Variants in SSH2 observed in about 807,000 individuals in gnomAD.
SSH2 encodes the protein protein phosphatase Slingshot homolog 2.
A neutral mutation model predicts 135.2 loss-of-function variants in SSH2; 37 were observed. That is an observed-to-expected ratio of 0.27 (90% confidence interval 0.21 to 0.36). The LOEUF (loss-of-function observed/expected upper bound fraction) is 0.36. SSH2 is among the 10% of genes least tolerant of loss of function. The probability of loss-of-function intolerance (pLI) is 1.00; values close to 1 mark genes in which losing one functional copy is unlikely to be tolerated. For synonymous variants in SSH2, 628 were observed against 646.2 expected, an observed-to-expected ratio of 0.97 and a Z score of 0.43; for missense variants, 1,408 against 1,765.3, an observed-to-expected ratio of 0.80 and a Z score of 3.63.
At chr17:29,801,469 G>C (rs1198452878) in intron 2 of SSH2, among the ~76,000 whole-genome samples, 1 of 152,094 alleles carries the variant, frequency 6.6e-6, no homozygotes, top group African/African-American at 2.4e-5. Flanking sequence ...TCATGCTGTT[G>C]TATCAACCTA....
At chr17:29,807,832 CTT>C (rs58284055) in intron 2 of SSH2, among the ~76,000 whole-genome samples, 28 of 94,384 alleles carry the variant, frequency 3.0e-4, no homozygotes, top group South Asian at 1.2e-3. Context: ...GTTTTGATGG[CTT>C]TTTTTTTTTT....
rs1567830186 is a variant in SSH2, at chr17:29,636,083, A to T, written c.2147T>A (p.Leu716Gln). Residue 716 changes from leucine (L) to glutamine (Q), a missense_variant, in exon 15 of 16, where the codon CTG becomes CAG. Leu to Gln is a moderately radical substitution (Grantham distance 113). Coordinates refer to ENST00000540801, the MANE Select transcript of SSH2 (RefSeq NM_001282129.2). Reference protein sequence around the residue: ...LGGGRNESCRLSVVEVAPSKV... With the variant: ...LGGGRNESCRQSVVEVAPSKV... ...GGAAGGGGCTACTTCTACCACTGACAGTCGACAGCTCTCATTCCTTCCTCC... is the reference window on the plus strand; with the variant it reads ...GGAAGGGGCTACTTCTACCACTGACTGTCGACAGCTCTCATTCCTTCCTCC... The T allele has an allele frequency of 1.9e-6, 3 of 1,614,256 alleles. No individual in the cohort carries two copies. The highest frequency in any genetic ancestry group is 2.5e-6 in the Non-Finnish European group (3 of 1,180,040).
intron 3 of SSH2, among the ~76,000 whole-genome samples, chr17:29,756,146 G>A (rs1206787143): frequency 1.3e-5 from 2 of 151,540 alleles, no homozygotes; most frequent in African/African-American, 4.8e-5. Flanking sequence ...GGTGGTGCAT[G>A]CCTGTAATCC....
At chr17:29,917,493 C>T (rs1599193168) in intron 1 of SSH2, among the ~76,000 whole-genome samples, 1 of 152,180 alleles carries the variant, frequency 6.6e-6, no homozygotes, top group East Asian at 1.9e-4. Context: ...AAGGTAATGC[C>T]TTATATCATC....
chr17:29,737,491 C>G (rs1268078547), intron 3 of SSH2, among the ~76,000 whole-genome samples: 1 of 151,980 alleles, frequency 6.6e-6, no homozygotes, highest in African/African-American at 2.4e-5. Context: ...GGTAGGTGAC[C>G]AATAAATAAA....
chr17:29,696,208 C>CACACACACACACACACAT (rs373379041), intron 4 of SSH2, among the ~76,000 whole-genome samples: 1 of 140,802 alleles, frequency 7.1e-6, no homozygotes, highest in Non-Finnish European at 1.5e-5. Context: ...CACACACACA[C>CACACACACACACACACAT]ATATGTATAT....
intron 3 of SSH2, among the ~76,000 whole-genome samples, chr17:29,756,203 G>A (rs12938025): frequency 3.3e-5 from 5 of 151,282 alleles, no homozygotes; most frequent in Non-Finnish European, 5.9e-5. Context: ...AACCCAGGGG[G>A]CGGAGGTTGC....
At chr17:29,873,503 G>GACCTGAGCTCGCCCTGCTGCACTC (rs2065974153) in intron 1 of SSH2, among the ~76,000 whole-genome samples, 1 of 151,916 alleles carries the variant, frequency 6.6e-6, no homozygotes, top group Non-Finnish European at 1.5e-5. Context: ...AGGCTGCAAT[G>GACCTGAGCTCGCCCTGCTGCACTC]ACCTGAGCTC....
intron 14 of SSH2, among the ~76,000 whole-genome samples, chr17:29,646,625 G>T (rs192853037): frequency 7.2e-5 from 11 of 151,822 alleles, no homozygotes; most frequent in African/African-American, 2.4e-4. Flanking sequence ...TTAGCCTCCC[G>T]AATAGCTGGG....
chr17:29,667,025 C>G (rs1475724580), intron 10 of SSH2, 30 bp from the exon 11 acceptor site: 4 of 1,613,770 alleles, frequency 2.5e-6, no homozygotes, highest in African/African-American at 2.7e-5. Flanking sequence ...TTGGACCCAT[C>G]TCTTAAAGTC....
intron 3 of SSH2, among the ~76,000 whole-genome samples, chr17:29,739,616 A>G (rs1348092025): frequency 6.6e-6 from 1 of 152,232 alleles, no homozygotes; most frequent in Non-Finnish European, 1.5e-5. Flanking sequence ...ATTTAATTAA[A>G]AAGTGTTAGC....
chr17:29,735,678 CAG>C (rs2040339837), intron 3 of SSH2, among the ~76,000 whole-genome samples: 1 of 127,522 alleles, frequency 7.8e-6, no homozygotes, highest in Non-Finnish European at 1.6e-5. Flanking sequence ...GCCTGGACGA[CAG>C]AGCAAGATTC....
chr17:29,814,497 G>C (rs546118523), intron 2 of SSH2, among the ~76,000 whole-genome samples: 1 of 148,782 alleles, frequency 6.7e-6, no homozygotes, highest in Non-Finnish European at 1.5e-5. Flanking sequence ...CAATACTGTC[G>C]AAGGATCAGG....
chr17:29,672,511 G>A lies in SSH2; in HGVS notation c.615-382C>T, dbSNP rs1295376239. Among the ~76,000 whole-genome samples the A allele has an allele frequency of 2.6e-5, 4 of 152,278 alleles. No individual in the cohort carries two copies. The East Asian group carries it at 7.7e-4, about 29-fold the overall frequency. ...GCCATATAAAGATTTGTTTCCCTCAGCACAGGATGTTACAGCATATATTTT... is the reference window on the plus strand; with the variant it reads ...GCCATATAAAGATTTGTTTCCCTCAACACAGGATGTTACAGCATATATTTT... On this transcript the variant is annotated intron_variant, in intron 8 of 15. Transcript: ENST00000540801.
intron 5 of SSH2, among the ~76,000 whole-genome samples, chr17:29,691,522 G>A (rs1007839114): frequency 2.0e-5 from 3 of 149,584 alleles, no homozygotes; most frequent in South Asian, 2.1e-4. Context: ...ACAGAGTCTC[G>A]CTCTGTTGCC....
Position 29,684,977 on chromosome 17 carries a change from T to C in SSH2, c.358-293A>G, listed in dbSNP as rs571187650. On this transcript the variant is annotated intron_variant, in intron 5 of 15. Coordinates refer to ENST00000540801, the MANE Select transcript of SSH2 (RefSeq NM_001282129.2). The stretch of plus-strand genomic sequence containing the variant: ...ACACAGTAAATGCTCAATAAGATGT[T>C]TGTTATTAGTGCAATTTATACTAAT... Among the ~76,000 whole-genome samples the C allele has an allele frequency of 2.0e-5, 3 of 152,358 alleles. No individual in the cohort carries two copies. In the South Asian group the frequency reaches 6.2e-4, roughly 32 times the overall value.
At chr17:29,908,828 C>T (rs1030382940) in intron 1 of SSH2, among the ~76,000 whole-genome samples, 2 of 147,652 alleles carry the variant, frequency 1.4e-5, no homozygotes, top group South Asian at 2.1e-4. Context: ...CCTGTAATCC[C>T]AGCAATTTGA....
intron 1 of SSH2, among the ~76,000 whole-genome samples, chr17:29,902,363 T>A (rs1346704127): frequency 2.6e-5 from 4 of 152,150 alleles, no homozygotes; most frequent in African/African-American, 9.7e-5. Flanking sequence ...TTTTCTAGAA[T>A]CCCCATCACT....
chr17:29,927,527 C>T (rs566638435), intron 1 of SSH2, among the ~76,000 whole-genome samples: 1 of 152,208 alleles, frequency 6.6e-6, no homozygotes, highest in African/African-American at 2.4e-5. Context: ...AATTTCCAGT[C>T]TCACAAAATT....
Sources: gnomAD v4.1 joint callset for allele counts (sites outside exome capture counted in the v4.1 genomes callset) on GRCh38, gnomAD v4.1.1 for gene constraint, MANE v1.5 for transcripts, NCBI Gene and HGNC (gene_info 2026-07-23, HGNC 2026-07-21) for gene names.